Variants in PTPRM observed in about 807,000 individuals in gnomAD.
The protein encoded by PTPRM is protein tyrosine phosphatase receptor type M, also known as receptor-type tyrosine-protein phosphatase mu.
PTPRM carries 47 observed loss-of-function variants against 186.7 expected under a neutral mutation model. The ratio of observed to expected loss-of-function variants is 0.25; its 90% CI spans 0.20 to 0.32. PTPRM has a LOEUF of 0.32. Among genes scored for constraint, PTPRM ranks in the 10% least tolerant of loss-of-function variants. PTPRM has a pLI of 1.00. For missense variants in PTPRM, 1,494 were observed against 1,865.0 expected, an observed-to-expected ratio of 0.80 and a Z score of 3.66; for synonymous variants, 668 against 674.9, an observed-to-expected ratio of 0.99 and a Z score of 0.16.
intron 14 of PTPRM, among the ~76,000 whole-genome samples, chr18:8,189,114 A>G (rs1281125398): frequency 6.6e-6 from 1 of 152,036 alleles, no homozygotes; most frequent in East Asian, 1.9e-4. Context: ...TAGCCTGGGC[A>G]ATATGACAAG....
intron 7 of PTPRM, among the ~76,000 whole-genome samples, chr18:7,995,255 A>G (rs1048159904): frequency 3.3e-5 from 5 of 152,178 alleles, no homozygotes; most frequent in Non-Finnish European, 5.9e-5. Context: ...GCAGACCAAT[A>G]ATTAGCAATG....
intron 7 of PTPRM, among the ~76,000 whole-genome samples, chr18:7,957,337 CAA>C (rs2053383920): frequency 6.6e-6 from 1 of 152,116 alleles, no homozygotes; most frequent in Non-Finnish European, 1.5e-5. Flanking sequence ...GGATAATGCT[CAA>C]AGAGACAAAT....
intron 23 of PTPRM, among the ~76,000 whole-genome samples, chr18:8,352,621 CTTTTTCTTTTCT>C (rs2095540041): frequency 8.7e-6 from 1 of 114,336 alleles, no homozygotes; most frequent in South Asian, 3.1e-4. Flanking sequence ...TGATTTCATT[CTTTTTCTTTTCT>C]TTTTTTTTTT....
At chr18:8,104,217 T>C (rs2145582972) in intron 11 of PTPRM, among the ~76,000 whole-genome samples, 1 of 152,324 alleles carries the variant, frequency 6.6e-6, no homozygotes, top group East Asian at 1.9e-4. Flanking sequence ...CTTCAATTTG[T>C]AAAACTTTAG....
At chr18:7,961,631 G>A (rs1255276821) in intron 7 of PTPRM, among the ~76,000 whole-genome samples, 2 of 152,194 alleles carry the variant, frequency 1.3e-5, no homozygotes, top group African/African-American at 4.8e-5. Context: ...AGGAGTCCAA[G>A]TATGATCAGT....
At chr18:8,116,261 C>T (rs2091953037) in intron 13 of PTPRM, among the ~76,000 whole-genome samples, 1 of 152,196 alleles carries the variant, frequency 6.6e-6, no homozygotes, top group Non-Finnish European at 1.5e-5. Flanking sequence ...AAAAGTAAAT[C>T]CTGTTCCAGG....
chr18:7,722,519 A>G (rs532548900), intron 1 of PTPRM, among the ~76,000 whole-genome samples: 9 of 152,226 alleles, frequency 5.9e-5, no homozygotes, highest in Non-Finnish European at 1.2e-4. Flanking sequence ...AGCCAGATAA[A>G]TACTAAAATA....
intron 23 of PTPRM, among the ~76,000 whole-genome samples, chr18:8,366,471 T>C (rs1055963649): frequency 1.6e-4 from 25 of 152,206 alleles, no homozygotes; most frequent in African/African-American, 6.0e-4. Flanking sequence ...TCAAATGCCC[T>C]GAAGGTTACA....
intron 13 of PTPRM, 105 bp downstream of exon 13, chr18:8,114,932 G>A: frequency 7.0e-6 from 6 of 854,418 alleles, no homozygotes; most frequent in Middle Eastern, 3.3e-4. Flanking sequence ...AAAATAAAAT[G>A]TGTGTATTAT....
In PTPRM at chr18:8,406,479, G is replaced by C; in HGVS notation, c.*317G>C. ...TCTTATGAAGGAATTTGTACCTTTG[G>C]GGTATTATTTTGTGGCCCGTGACCC... On this transcript the variant is annotated 3_prime_UTR_variant, in exon 33 of 33. Coordinates refer to ENST00000580170, the MANE Select transcript of PTPRM (RefSeq NM_001105244.2). 3.6e-6 allele frequency: 1 copy of C among 280,930 alleles called. No homozygotes were observed. Among genetic ancestry groups the C allele is most frequent in the South Asian group, 7.1e-5 (1 of 14,020 alleles). 17.4% of individuals were successfully genotyped at this position (280,930 alleles called of 1,614,324 possible).
At chr18:7,596,115 C>T (rs1025485001) in intron 1 of PTPRM, among the ~76,000 whole-genome samples, 1 of 152,200 alleles carries the variant, frequency 6.6e-6, no homozygotes, top group African/African-American at 2.4e-5. Context: ...TCTGAAGCTA[C>T]TACATCTCCA....
chr18:8,112,068 G>A (rs6506549), intron 11 of PTPRM, among the ~76,000 whole-genome samples: 7,669 of 152,184 alleles, frequency 0.05, 233 homozygotes, highest in Middle Eastern at 0.18. Flanking sequence ...AGCATTTTAC[G>A]TGACTCAATC....
In PTPRM at chr18:7,763,980, A is replaced by G. The variant is rs550563076; in HGVS notation, c.74-10169A>G. On this transcript the variant is annotated intron_variant, in intron 1 of 32. Coordinates refer to ENST00000580170, the MANE Select transcript of PTPRM (RefSeq NM_001105244.2). Reference sequence around the variant, plus strand: ...TTTTTTTTTAATTAATTTCCTGGGTATCTCTAACCAGTAACCAGGATTGTT... The same window carrying G: ...TTTTTTTTTAATTAATTTCCTGGGTGTCTCTAACCAGTAACCAGGATTGTT... Among the ~76,000 whole-genome samples the G allele has an allele frequency of 6.3e-4, 95 of 151,120 alleles. 1 individual carries two copies. The South Asian group carries it at 0.019, about 30-fold the overall frequency.
At chr18:7,904,617 A>T (rs902616638) in intron 3 of PTPRM, among the ~76,000 whole-genome samples, 1 of 152,216 alleles carries the variant, frequency 6.6e-6, no homozygotes, top group Non-Finnish European at 1.5e-5. Context: ...TTTATTGCTG[A>T]GTAGTATTTA....
At chr18:7,673,512 A>C (rs1335452692) in intron 1 of PTPRM, among the ~76,000 whole-genome samples, 2 of 152,092 alleles carry the variant, frequency 1.3e-5, no homozygotes, top group African/African-American at 4.8e-5. Context: ...CACCAAATAT[A>C]ACAAACACAA....
chr18:7,949,128 G>T, intron 5 of PTPRM, 53 bp from the exon 6 acceptor site: 3 of 1,468,780 alleles, frequency 2.0e-6, no homozygotes, highest in Admixed American at 1.8e-5. Context: ...TGACTGTTTT[G>T]CTCTGACAGC....
At chr18:8,249,300 G>A (rs1426612450) in intron 17 of PTPRM, among the ~76,000 whole-genome samples, 1 of 152,000 alleles carries the variant, frequency 6.6e-6, no homozygotes, top group African/African-American at 2.4e-5. Flanking sequence ...CAAGTTTGTT[G>A]CCTAAGGAAA....
chr18:8,280,225 A>G (rs2094886083), intron 19 of PTPRM, among the ~76,000 whole-genome samples: 1 of 152,038 alleles, frequency 6.6e-6, no homozygotes, highest in South Asian at 2.1e-4. Flanking sequence ...CGCATGCCCC[A>G]GGGTCTCTGT....
intron 7 of PTPRM, among the ~76,000 whole-genome samples, chr18:8,053,636 C>T (rs577790035): frequency 6.6e-6 from 1 of 152,100 alleles, no homozygotes; most frequent in Non-Finnish European, 1.5e-5. Flanking sequence ...TGTTTGGGGA[C>T]CTTTGCACGT....
Sources: allele counts gnomAD v4.1 joint callset (sites outside exome capture counted in the v4.1 genomes callset), GRCh38; gene constraint gnomAD v4.1.1; transcripts MANE v1.5; gene names NCBI Gene and HGNC (gene_info 2026-07-23, HGNC 2026-07-21).